Variants in CRYBG1 observed in about 807,000 individuals in gnomAD.
CRYBG1 encodes beta/gamma crystallin domain-containing protein 1.
CRYBG1 carries 139 observed loss-of-function variants against 189.2 expected under a neutral mutation model. The ratio of observed to expected loss-of-function variants is 0.73; its 90% confidence interval spans 0.64 to 0.85. The LOEUF (loss-of-function observed/expected upper bound fraction) is 0.85. CRYBG1 is among the 40% of genes least tolerant of loss of function. The probability of loss-of-function intolerance (pLI) is 0.00; values close to 1 mark genes in which losing one functional copy is unlikely to be tolerated. For synonymous variants in CRYBG1, 1,023 were observed against 1,017.1 expected, an observed-to-expected ratio of 1.01 and a Z score of -0.11; for missense variants, 2,611 against 2,675.8, an observed-to-expected ratio of 0.98 and a Z score of 0.53.
At chr6:106,551,173 T>C (rs1774396156) in intron 13 of CRYBG1, among the ~76,000 whole-genome samples, 1 of 152,092 alleles carries the variant, frequency 6.6e-6, no homozygotes, top group Non-Finnish European at 1.5e-5. Flanking sequence ...TATTTTTTTT[T>C]CTTCTTTATG....
chr6:106,424,018 C>T (rs1771180452), intron 1 of CRYBG1, among the ~76,000 whole-genome samples: 1 of 151,844 alleles, frequency 6.6e-6, no homozygotes, highest in Admixed American at 6.6e-5. Context: ...CCCTCCTTTC[C>T]TTCTCTCTCT....
chr6:106,567,829 CATG>C (rs1774935755), intron 21 of CRYBG1, among the ~76,000 whole-genome samples: 2 of 152,152 alleles, frequency 1.3e-5, no homozygotes, highest in Non-Finnish European at 1.5e-5. Context: ...GGAGAGAGTT[CATG>C]ATAATAGTTT....
chr6:106,492,226 T>C (rs543859143), intron 2 of CRYBG1, among the ~76,000 whole-genome samples: 108 of 152,338 alleles, frequency 7.1e-4, no homozygotes, highest in African/African-American at 2.5e-3. Flanking sequence ...CTTCTAGATG[T>C]CAAAATAAGT....
intron 2 of CRYBG1, among the ~76,000 whole-genome samples, chr6:106,510,509 C>T (rs1474061660): frequency 6.6e-6 from 1 of 152,256 alleles, no homozygotes; most frequent in Non-Finnish European, 1.5e-5. Flanking sequence ...CGCTGCGGAT[C>T]ATTCGCAGGC....
intron 1 of CRYBG1, among the ~76,000 whole-genome samples, chr6:106,394,217 A>C (rs937443977): frequency 6.6e-6 from 1 of 152,160 alleles, no homozygotes; most frequent in African/African-American, 2.4e-5. Flanking sequence ...ATGTCTCTAC[A>C]TCGTTTATCC....
chr6:106,418,405 T>A (rs960261807), intron 1 of CRYBG1, among the ~76,000 whole-genome samples: 6 of 152,250 alleles, frequency 3.9e-5, no homozygotes, highest in African/African-American at 1.4e-4. Context: ...AGGCTGTTTT[T>A]TTGGCTTGAA....
At chr6:106,450,236 T>G (rs1235388218) in intron 1 of CRYBG1, among the ~76,000 whole-genome samples, 2 of 143,582 alleles carry the variant, frequency 1.4e-5, no homozygotes, top group Middle Eastern at 3.5e-3. Context: ...AAAAAAAAAG[T>G]ACACAATAGA....
chr6:106,519,098 C>T (rs765972241), intron 3 of CRYBG1, 33 bp from the exon 4 acceptor site: 2 of 1,568,746 alleles, frequency 1.3e-6, no homozygotes, highest in Admixed American at 3.9e-5. Flanking sequence ...AAAACTAGGT[C>T]AATAACTTTA....
At chr6:106,507,256 CA>C (rs1456406435) in intron 2 of CRYBG1, among the ~76,000 whole-genome samples, 2 of 152,216 alleles carry the variant, frequency 1.3e-5, no homozygotes, top group Non-Finnish European at 2.9e-5. Context: ...GCCACCTCTA[CA>C]ATAGTCCTGT....
At chr6:106,368,428 T>G (rs1769942961) in intron 1 of CRYBG1, among the ~76,000 whole-genome samples, 1 of 152,194 alleles carries the variant, frequency 6.6e-6, no homozygotes, top group African/African-American at 2.4e-5. Flanking sequence ...TTGAATGGTG[T>G]GTTCTTCTGT....
At chr6:106,476,783 CCA>C (rs1235286590) in intron 2 of CRYBG1, among the ~76,000 whole-genome samples, 1 of 152,116 alleles carries the variant, frequency 6.6e-6, no homozygotes, top group Non-Finnish European at 1.5e-5. Flanking sequence ...CAGTGTAGAA[CCA>C]CACACACCTT....
chr6:106,431,415 T>C (rs954133855), intron 1 of CRYBG1, among the ~76,000 whole-genome samples: 2 of 152,098 alleles, frequency 1.3e-5, no homozygotes, highest in Non-Finnish European at 2.9e-5. Flanking sequence ...ATGTCTGAGT[T>C]ACACTGTAAG....
At chr6:106,408,950 T>C (rs1770875073) in intron 1 of CRYBG1, among the ~76,000 whole-genome samples, 1 of 152,230 alleles carries the variant, frequency 6.6e-6, no homozygotes, top group African/African-American at 2.4e-5. Flanking sequence ...GCATTCCCTT[T>C]GAAAACTGGC....
rs532495327 is a variant in CRYBG1, at chr6:106,514,202, C to G, written c.1922+1163C>G. ...AGGATAGGGAAGGTACTCTATGAAACTGATAAGACCCTCCCTTCTCACACT... is the reference window on the plus strand; with the variant it reads ...AGGATAGGGAAGGTACTCTATGAAAGTGATAAGACCCTCCCTTCTCACACT... On this transcript the variant is annotated intron_variant, in intron 3 of 21. Transcript: ENST00000633556. Among the ~76,000 whole-genome samples the G allele has an allele frequency of 3.9e-5, 6 of 152,276 alleles. No homozygotes were observed. In the East Asian group the frequency reaches 1.2e-3, roughly 29 times the overall value.
At chr6:106,530,683 C>A (rs969060163) in intron 8 of CRYBG1, among the ~76,000 whole-genome samples, 1 of 152,036 alleles carries the variant, frequency 6.6e-6, no homozygotes, top group South Asian at 2.1e-4. Flanking sequence ...GGGATGGAAG[C>A]CAACACACAT....
At chr6:106,551,707 C>G in intron 13 of CRYBG1, 145 bp from the exon 14 acceptor site, 1 of 877,494 alleles carries the variant, frequency 1.1e-6, no homozygotes, top group Non-Finnish European at 1.8e-6. Flanking sequence ...CCATCTGCTT[C>G]TAAAGGTTAA....
At chr6:106,432,146 C>T (rs369785552) in intron 1 of CRYBG1, among the ~76,000 whole-genome samples, 5 of 152,130 alleles carry the variant, frequency 3.3e-5, no homozygotes, top group African/African-American at 9.7e-5. Context: ...ATTCAAATAA[C>T]GACTCTTAAT....
intron 2 of CRYBG1, among the ~76,000 whole-genome samples, chr6:106,485,793 C>G (rs1042420186): frequency 6.6e-6 from 1 of 152,186 alleles, no homozygotes; most frequent in Non-Finnish European, 1.5e-5. Context: ...GTATGTTGAA[C>G]TATCCTTGCA....
intron 2 of CRYBG1, among the ~76,000 whole-genome samples, chr6:106,452,510 C>T (rs1771805177): frequency 6.6e-6 from 1 of 151,730 alleles, no homozygotes; most frequent in Admixed American, 6.6e-5. Context: ...TTGTAGGTGC[C>T]TTTTGCGCGC....
Sources: gnomAD v4.1 joint callset for allele counts (sites outside exome capture counted in the v4.1 genomes callset) on GRCh38, gnomAD v4.1.1 for gene constraint, MANE v1.5 for transcripts, NCBI Gene and HGNC (gene_info 2026-07-23, HGNC 2026-07-21) for gene names.